The following BIN3 variants were observed in gnomAD, a reference collection of about 807,000 sequenced individuals.
The protein encoded by BIN3 is bridging integrator 3.
A neutral mutation model predicts 38.2 loss-of-function variants in BIN3; 41 were observed. The ratio of observed to expected loss-of-function variants is 1.07; its 90% CI spans 0.84 to 1.39. The LOEUF (loss-of-function observed/expected upper bound fraction) is 1.39. Ranked by LOEUF, BIN3 falls within the 40% of genes most tolerant of loss-of-function variation. The pLI, the probability that BIN3 is intolerant of heterozygous loss-of-function variation, is 0.00. For synonymous variants in BIN3, 145 were observed against 122.6 expected, an observed-to-expected ratio of 1.18 and a Z score of -1.21; for missense variants, 361 against 324.3, an observed-to-expected ratio of 1.11 and a Z score of -0.87.
At chr8:22,624,080 T>C in intron 7 of BIN3, 31 bp from the exon 8 acceptor site, 1 of 1,365,300 alleles carries the variant, frequency 7.3e-7, no homozygotes, top group African/African-American at 1.5e-5. Flanking sequence ...GTCAAAACTC[T>C]CTCACTGCTG....
chr8:22,649,856 CA>C (rs1299100464), intron 1 of BIN3, among the ~76,000 whole-genome samples: 40 of 116,732 alleles, frequency 3.4e-4, no homozygotes, highest in Admixed American at 1.0e-3. Flanking sequence ...CACACACACA[CA>C]CCCCCAAAGG....
intron 4 of BIN3, among the ~76,000 whole-genome samples, chr8:22,632,199 C>T (rs1802224679): frequency 6.6e-6 from 1 of 152,228 alleles, no homozygotes; most frequent in Admixed American, 6.5e-5. Context: ...GGACCCATGA[C>T]ATAAGGTCTG....
At chr8:22,625,254 G>A (rs1402094165) in intron 6 of BIN3, 23 of 694,992 alleles carry the variant, frequency 3.3e-5, no homozygotes, top group Middle Eastern at 3.1e-4. Context: ...TGAGGCTCTC[G>A]CTGCTGCTGC....
chr8:22,622,472 T>A (rs1236987968), intron 8 of BIN3: 1 of 152,478 alleles, frequency 6.6e-6, no homozygotes, highest in Non-Finnish European at 1.5e-5. Context: ...ACCTCTGGGC[T>A]GGCGGCGGCC....
chr8:22,621,200 G>T lies in BIN3; in HGVS notation c.*222C>A, dbSNP rs1046932813. 1.9e-5 allele frequency: 11 copies of T among 590,290 alleles called. No individual in the cohort carries two copies. In the Admixed American group the frequency reaches 2.2e-4, roughly 12 times the overall value. The allele number at this position is 590,290 out of a possible 1,614,324, so 36.6% of individuals were successfully genotyped here. A position where few individuals can be genotyped will look rare whatever the true frequency, so the allele number is the denominator to read the frequency against. Reference sequence around the variant, plus strand: ...TTCTCCAAATAAAAAAGCCCCAAGGGTTTGTCTACACTGCTTACCTGCTGG... The same window carrying T: ...TTCTCCAAATAAAAAAGCCCCAAGGTTTTGTCTACACTGCTTACCTGCTGG... On this transcript the variant is annotated 3_prime_UTR_variant, in exon 9 of 9. Transcript: ENST00000276416.
intron 1 of BIN3, among the ~76,000 whole-genome samples, chr8:22,651,246 C>T (rs1045526644): frequency 2.6e-5 from 4 of 152,090 alleles, no homozygotes; most frequent in African/African-American, 9.7e-5. Flanking sequence ...CGTACTTATC[C>T]CCAATTCAAT....
intron 1 of BIN3, among the ~76,000 whole-genome samples, chr8:22,652,476 T>C (rs943711174): frequency 7.2e-5 from 11 of 152,252 alleles, no homozygotes; most frequent in Non-Finnish European, 1.5e-4. Context: ...TGGAAGAGCC[T>C]GCGTGTGCAT....
chr8:22,653,194 CTT>C (rs1271212305), intron 1 of BIN3, among the ~76,000 whole-genome samples: 1 of 152,106 alleles, frequency 6.6e-6, no homozygotes, highest in African/African-American at 2.4e-5. Context: ...ATTTTGTTAT[CTT>C]TGTTATGTTT....
chr8:22,625,558 G>C, intron 6 of BIN3: 1 of 622,088 alleles, frequency 1.6e-6, no homozygotes, highest in Non-Finnish European at 2.9e-6. Context: ...ACACAGAGCA[G>C]GACTCCCAGA....
At chr8:22,633,268 G>C (rs1802265529) in intron 4 of BIN3, among the ~76,000 whole-genome samples, 1 of 152,014 alleles carries the variant, frequency 6.6e-6, no homozygotes, top group African/African-American at 2.4e-5. Flanking sequence ...CCAGGAGTTC[G>C]AGACCAGCCT....
intron 2 of BIN3, among the ~76,000 whole-genome samples, chr8:22,642,153 A>G (rs1165397328): frequency 6.6e-6 from 1 of 152,182 alleles, no homozygotes; most frequent in Admixed American, 6.5e-5. Context: ...AAACTCCCTG[A>G]AGATAACGTG....
At chr8:22,626,782 C>T (rs1298012922) in intron 6 of BIN3, among the ~76,000 whole-genome samples, 2 of 152,126 alleles carry the variant, frequency 1.3e-5, no homozygotes, top group Admixed American at 6.6e-5. Flanking sequence ...TGGGAGGAGC[C>T]CTATGCTCGT....
intron 1 of BIN3, among the ~76,000 whole-genome samples, chr8:22,668,251 A>G (rs1188614319): frequency 6.6e-6 from 1 of 152,232 alleles, no homozygotes. Flanking sequence ...ATCGAGAGCA[A>G]CAAATGGGGA....
At chr8:22,623,254 A>C (rs188460659) in intron 8 of BIN3, among the ~76,000 whole-genome samples, 4 of 152,268 alleles carry the variant, frequency 2.6e-5, no homozygotes, top group African/African-American at 9.6e-5. Context: ...ATCCTTCCTA[A>C]AGGCTTGAAG....
In BIN3 at chr8:22,622,981, G is replaced by A. The variant is rs910776696; in HGVS notation, c.615+934C>T. On this transcript the variant is annotated intron_variant, in intron 8 of 8. Transcript: ENST00000276416. Reference sequence around the variant, plus strand: ...CAGGTGGCCACCCTGACTTTGGCCCGGCAGGGTGGGTGTGCACTGGCCAGG... The same window carrying A: ...CAGGTGGCCACCCTGACTTTGGCCCAGCAGGGTGGGTGTGCACTGGCCAGG... 8.5e-5 allele frequency among the ~76,000 whole-genome samples: 13 copies of A among 152,324 alleles called. 1 individual carries two copies. Among genetic ancestry groups the A allele is most frequent in the South Asian group, 6.2e-4 (3 of 4,832 alleles).
chr8:22,629,852 G>A, intron 6 of BIN3, 112 bp downstream of exon 6: 1 of 1,084,342 alleles, frequency 9.2e-7, no homozygotes, highest in Non-Finnish European at 1.4e-6. Context: ...TTTCCCGTCA[G>A]GCCCCATGGG....
intron 1 of BIN3, among the ~76,000 whole-genome samples, chr8:22,657,889 G>C (rs1803105880): frequency 6.6e-6 from 1 of 152,252 alleles, no homozygotes; most frequent in South Asian, 2.1e-4. Context: ...GTCACAGCCT[G>C]AGAGCAGCAG....
At chr8:22,635,077 G>A (rs1045384781) in intron 4 of BIN3, among the ~76,000 whole-genome samples, 8 of 152,104 alleles carry the variant, frequency 5.3e-5, no homozygotes, top group East Asian at 1.9e-4. Flanking sequence ...TCTGGTCAGC[G>A]TGCACCACCT....
rs1802299047 is a variant in BIN3 at position 22,634,353 on chromosome 8, T to C, written c.160+2172A>G. The C allele has an allele frequency of 7.7e-6, 3 of 387,356 alleles. No individual in the cohort carries two copies. In the Admixed American group the frequency reaches 9.1e-5, roughly 12 times the overall value. The allele number at this position is 387,356 out of a possible 1,614,324, so 24.0% of individuals were successfully genotyped here. A position where few individuals can be genotyped will look rare whatever the true frequency, so the allele number is the denominator to read the frequency against. The stretch of plus-strand genomic sequence containing the variant: ...CACGGCCCAGGAATTAGCACTGGCA[T>C]GAAAATTCATGGCACAGACCAAGAC... On this transcript the variant is annotated intron_variant, in intron 4 of 8. Transcript: ENST00000276416.
Sources: gnomAD v4.1 joint callset for allele counts (sites outside exome capture counted in the v4.1 genomes callset) on GRCh38, gnomAD v4.1.1 for gene constraint, MANE v1.5 for transcripts, NCBI Gene and HGNC (gene_info 2026-07-23, HGNC 2026-07-21) for gene names.